The following TTC6 variants were observed in gnomAD, a reference collection of about 807,000 sequenced individuals.
TTC6 encodes tetratricopeptide repeat domain 6.
TTC6 carries 172 observed loss-of-function variants against 210.4 expected under a neutral mutation model. The observed-to-expected ratio is 0.82, with a 90% CI of 0.72 to 0.93. The LOEUF is 0.93. Ranked by LOEUF, TTC6 falls within the 40% of genes least tolerant of loss-of-function variation. The probability of loss-of-function intolerance (pLI) is 0.00; values close to 1 mark genes in which losing one functional copy is unlikely to be tolerated. For missense variants in TTC6, 2,414 were observed against 2,318.1 expected, an observed-to-expected ratio of 1.04 and a Z score of -0.85; for synonymous variants, 804 against 819.6, an observed-to-expected ratio of 0.98 and a Z score of 0.32.
At chr14:37,680,168 A>G in exon 2 of TTC6, 1 of 1,526,434 alleles carries the variant, frequency 6.6e-7, no homozygotes, top group South Asian at 1.2e-5. Context: ...CTTTAATGGG[A>G]AAAATGTACC....
intron 2 of TTC6, among the ~76,000 whole-genome samples, chr14:37,681,340 A>G (rs2095783115): frequency 6.6e-6 from 1 of 152,170 alleles, no homozygotes; most frequent in Non-Finnish European, 1.5e-5. Context: ...ACTTAATACC[A>G]TTCACTACAT....
At chr14:37,714,671 C>T (rs2095849668) in exon 6 of TTC6, 1 of 1,535,016 alleles carries the variant, frequency 6.5e-7, no homozygotes, top group Non-Finnish European at 8.7e-7. Context: ...GTATGGAATT[C>T]CTGTTATGGA....
rs372128686 is a variant in TTC6, at chr14:37,782,140, G to A, written c.3267-5328G>A. Among the ~76,000 whole-genome samples, 14 of 152,294 alleles carry A rather than the reference G, an allele frequency of 9.2e-5. No individual in the cohort carries two copies. In the East Asian group the frequency reaches 9.7e-4, roughly 11 times the overall value. ...CTTTTGGTTCCATATGAACTTTAAA[G>A]TAGTTTTTTTTAGTTCTTTGAAGAA... On this transcript the variant is annotated intron_variant, in intron 14 of 30. Transcript: ENST00000553443.
At chr14:37,660,402 C>T (rs904306026) in intron 1 of TTC6, among the ~76,000 whole-genome samples, 2 of 152,090 alleles carry the variant, frequency 1.3e-5, no homozygotes, top group Non-Finnish European at 2.9e-5. Flanking sequence ...CCTGGACAGG[C>T]CCCAGTGTGT....
At chr14:37,637,212 C>T (rs1472650596) in intron 1 of TTC6, among the ~76,000 whole-genome samples, 1 of 152,114 alleles carries the variant, frequency 6.6e-6, no homozygotes, top group Admixed American at 6.6e-5. Flanking sequence ...AACAATAAAA[C>T]TTTCAGACAA....
intron 6 of TTC6, among the ~76,000 whole-genome samples, chr14:37,717,122 A>G (rs2095854013): frequency 6.6e-6 from 1 of 152,020 alleles, no homozygotes; most frequent in Admixed American, 6.6e-5. Flanking sequence ...TCAATAGAAA[A>G]GAGAAAGTCT....
At chr14:37,728,957 T>A (rs887853839) in intron 7 of TTC6, among the ~76,000 whole-genome samples, 1 of 152,188 alleles carries the variant, frequency 6.6e-6, no homozygotes, top group Non-Finnish European at 1.5e-5. Flanking sequence ...ATTTCGTATA[T>A]CCATTCAGAC....
At chr14:37,634,096 T>C (rs770348907) in intron 1 of TTC6, among the ~76,000 whole-genome samples, 10 of 152,042 alleles carry the variant, frequency 6.6e-5, no homozygotes, top group Admixed American at 2.0e-4. Context: ...AACATCTCAA[T>C]TTGAAAGAAA....
intron 29 of TTC6, among the ~76,000 whole-genome samples, chr14:37,830,543 T>C (rs988643275): frequency 6.6e-6 from 1 of 151,946 alleles, no homozygotes; most frequent in Non-Finnish European, 1.5e-5. Flanking sequence ...CTTTCTTTTG[T>C]ATTTTTCCTA....
chr14:37,835,405 G>T (rs2139036202), intron 29 of TTC6, among the ~76,000 whole-genome samples: 2 of 152,214 alleles, frequency 1.3e-5, no homozygotes, highest in East Asian at 1.9e-4. Flanking sequence ...CTAGTAAATT[G>T]TTGGTAAATG....
intron 13 of TTC6, among the ~76,000 whole-genome samples, chr14:37,751,746 G>A (rs1406217997): frequency 6.6e-6 from 1 of 151,310 alleles, no homozygotes; most frequent in Admixed American, 6.6e-5. Flanking sequence ...ACAAATTATG[G>A]TAAGTACTAT....
intron 1 of TTC6, among the ~76,000 whole-genome samples, chr14:37,676,332 C>A (rs562866978): frequency 3.9e-5 from 6 of 152,076 alleles, no homozygotes; most frequent in African/African-American, 1.4e-4. Context: ...TTGTTTTTTT[C>A]TACCTTAAAA....
intron 7 of TTC6, among the ~76,000 whole-genome samples, chr14:37,728,956 A>G (rs1312680801): frequency 6.6e-6 from 1 of 152,146 alleles, no homozygotes; most frequent in Non-Finnish European, 1.5e-5. Context: ...CATTTCGTAT[A>G]TCCATTCAGA....
Position 37,761,566 on chromosome 14 carries a change from C to T in TTC6, c.3266+8331C>T, listed in dbSNP as rs146230935. 1.3e-3 allele frequency among the ~76,000 whole-genome samples: 192 copies of T among 152,210 alleles called. 1 individual carries two copies. The highest frequency in any genetic ancestry group is 4.4e-3 in the African/African-American group (181 of 41,550). On this transcript the variant is annotated intron_variant, in intron 14 of 30. Transcript: ENST00000553443. ...ATAGTGTCAATACCCATGTAACCATCATCAGGTCATTTCCAACAATCTAGA... is the reference window on the plus strand; with the variant it reads ...ATAGTGTCAATACCCATGTAACCATTATCAGGTCATTTCCAACAATCTAGA...
At position 37,650,726 on chromosome 14, in the gene TTC6, A is replaced by C. The variant is rs113146060; in HGVS notation, c.939+27723A>C. 8.2e-3 allele frequency among the ~76,000 whole-genome samples: 1,246 copies of C among 152,292 alleles called. 6 individuals carry two copies. The highest frequency in any genetic ancestry group is 0.044 in the Middle Eastern group (13 of 294). On this transcript the variant is annotated intron_variant, in intron 1 of 30. Coordinates refer to ENST00000553443, the Ensembl canonical transcript of TTC6. ...TAACAGCTTGCTTTTTTTTCTTATA[A>C]ATTGACTCAGAGATACTGTAAAAAT...
At chr14:37,812,555 T>A (rs2096131993) in intron 25 of TTC6, 122 bp downstream of exon 27, 3 of 998,188 alleles carry the variant, frequency 3.0e-6, no homozygotes. Context: ...TTAGCAAGAA[T>A]TCTATTAAAA....
intron 1 of TTC6, among the ~76,000 whole-genome samples, chr14:37,629,432 C>T (rs1053209881): frequency 2.0e-5 from 3 of 151,992 alleles, no homozygotes; most frequent in Non-Finnish European, 4.4e-5. Context: ...TATAGGAATG[C>T]TTGTGATTTT....
chr14:37,831,967 G>C (rs986217253), intron 29 of TTC6, among the ~76,000 whole-genome samples: 2 of 151,992 alleles, frequency 1.3e-5, no homozygotes, highest in African/African-American at 4.8e-5. Flanking sequence ...TTTTGCTTTT[G>C]TTGCCTGTGC....
At chr14:37,698,676 C>A (rs551358426) in intron 4 of TTC6, among the ~76,000 whole-genome samples, 2 of 152,222 alleles carry the variant, frequency 1.3e-5, no homozygotes, top group African/African-American at 4.8e-5. Context: ...TTTTGTTAGG[C>A]CCTATGCTCT....
Sources: allele counts gnomAD v4.1 joint callset (sites outside exome capture counted in the v4.1 genomes callset), GRCh38; gene constraint gnomAD v4.1.1; transcripts MANE v1.5; gene names NCBI Gene and HGNC (gene_info 2026-07-23, HGNC 2026-07-21).